The following EYA3 variants were observed in gnomAD, a reference collection of about 807,000 sequenced individuals.
EYA3 encodes the protein protein phosphatase EYA3.
Under a neutral mutation model 80.0 loss-of-function variants are expected in EYA3, and 39 were observed. That is an observed-to-expected ratio of 0.49 (90% CI 0.38 to 0.64). EYA3 has a LOEUF of 0.64. Ranked by LOEUF, EYA3 falls within the 30% of genes least tolerant of loss-of-function variation. The pLI is 0.00. For missense variants in EYA3, 523 were observed against 676.1 expected (o/e 0.77, Z 2.51); for synonymous variants, 206 against 232.8 (o/e 0.88, Z 1.05).
rs1228281659 is a variant in EYA3, at chr1:28,013,163, C to T, written c.717G>A (p.Ser239=). ...STTLAATTYQ[S]EKPSVMAPAP... Reference sequence around the variant, plus strand: ...CAGGCGCCATGACACTAGGCTTCTCCGACTGGTATGTGGTTGCTGCTAATG... The same window carrying T: ...CAGGCGCCATGACACTAGGCTTCTCTGACTGGTATGTGGTTGCTGCTAATG... The change falls in exon 9 of 18, where the codon TCG becomes TCA. Residue 239 remains serine (S), a synonymous_variant. Transcript: ENST00000373871. The surrounding 1 kb of genome is among the most constrained non-coding windows in gnomAD (Gnocchi z 4.0). The T allele has an allele frequency of 6.8e-6, 11 of 1,614,006 alleles. No individual in the cohort carries two copies. The highest frequency in any genetic ancestry group is 1.1e-5 in the South Asian group (1 of 91,068).
intron 13 of EYA3, among the ~76,000 whole-genome samples, chr1:27,994,662 G>T (rs1358343569): frequency 6.6e-6 from 1 of 152,164 alleles, no homozygotes; most frequent in African/African-American, 2.4e-5. Flanking sequence ...ACTTCAGCTT[G>T]CGGGGGGAAA....
At chr1:28,051,461 G>T (rs1644246877) in intron 2 of EYA3, among the ~76,000 whole-genome samples, 1 of 152,194 alleles carries the variant, frequency 6.6e-6, no homozygotes. Context: ...GCCAAGGCAG[G>T]TGGATCACCT....
At chr1:28,043,865 A>G (rs1362472769) in intron 3 of EYA3, among the ~76,000 whole-genome samples, 2 of 152,136 alleles carry the variant, frequency 1.3e-5, no homozygotes, top group Non-Finnish European at 1.5e-5. Context: ...ACAAACAAAC[A>G]AACAAAAATT....
intron 3 of EYA3, among the ~76,000 whole-genome samples, chr1:28,044,227 A>C (rs1643919144): frequency 6.6e-6 from 1 of 152,182 alleles, no homozygotes; most frequent in South Asian, 2.1e-4. Context: ...CACAGTGGTT[A>C]GGAGTGTTGA....
chr1:28,046,719 GGA>G (rs1175443229), intron 3 of EYA3, among the ~76,000 whole-genome samples: 1 of 152,154 alleles, frequency 6.6e-6, no homozygotes, highest in Non-Finnish European at 1.5e-5. Flanking sequence ...CAGAATAGGT[GGA>G]TAGTTGGGTT....
At position 28,009,180 on chromosome 1, in the gene EYA3, A is replaced by T. The variant is rs917496958; in HGVS notation, c.909+1767T>A. On this transcript the variant is annotated intron_variant, in intron 10 of 17. Coordinates refer to ENST00000373871, the MANE Select transcript of EYA3 (RefSeq NM_001990.4). The surrounding 1 kb of genome is among the most constrained non-coding windows in gnomAD (Gnocchi z 4.8). Reference sequence around the variant, plus strand: ...GAATTGATAAGATGAACTCAGATAGATAATTGTACACCAATGGTCAAAGCA... The same window carrying T: ...GAATTGATAAGATGAACTCAGATAGTTAATTGTACACCAATGGTCAAAGCA... Among the ~76,000 whole-genome samples, 1 of 152,210 alleles carries T rather than the reference A, an allele frequency of 6.6e-6. No individual in the cohort carries two copies. The highest frequency in any genetic ancestry group is 2.4e-5 in the African/African-American group (1 of 41,444).
At chr1:28,085,710 TA>T (rs1645626949) in intron 1 of EYA3, among the ~76,000 whole-genome samples, 2 of 152,180 alleles carry the variant, frequency 1.3e-5, no homozygotes, top group South Asian at 4.1e-4. Flanking sequence ...AAATCAACGG[TA>T]ATTTTTTTTC....
At chr1:27,994,684 T>G (rs1035894910) in intron 13 of EYA3, among the ~76,000 whole-genome samples, 2 of 152,104 alleles carry the variant, frequency 1.3e-5, no homozygotes, top group Non-Finnish European at 2.9e-5. Flanking sequence ...GAACTACCCC[T>G]GGCCAGGTGC....
At chr1:28,055,083 T>C (rs1218727363) in intron 2 of EYA3, among the ~76,000 whole-genome samples, 1 of 152,212 alleles carries the variant, frequency 6.6e-6, no homozygotes, top group East Asian at 1.9e-4. Context: ...AACATCTTTA[T>C]TGATAGCTTA....
intron 1 of EYA3, among the ~76,000 whole-genome samples, chr1:28,087,594 C>T (rs1299105208): frequency 1.3e-5 from 2 of 152,188 alleles, no homozygotes; most frequent in Non-Finnish European, 2.9e-5. Context: ...ATGATCTCTC[C>T]ACAAATTCTG....
rs768518745 is a variant in EYA3 at position 28,075,037 on chromosome 1, T to C, written c.-69+13487A>G. Reference sequence around the variant, plus strand: ...AAACCAGTATAAGACTCAGTGTGTATTGACAGCCTAACTACATGTGTTAGG... The same window carrying C: ...AAACCAGTATAAGACTCAGTGTGTACTGACAGCCTAACTACATGTGTTAGG... On this transcript the variant is annotated intron_variant, in intron 1 of 17. Transcript: ENST00000373871. Among the ~76,000 whole-genome samples the C allele has an allele frequency of 5.3e-5, 8 of 152,314 alleles. No homozygotes were observed. In the East Asian group the frequency reaches 1.3e-3, roughly 26 times the overall value.
chr1:28,006,270 G>A (rs993738921), intron 10 of EYA3, among the ~76,000 whole-genome samples: 2 of 151,606 alleles, frequency 1.3e-5, no homozygotes, highest in South Asian at 4.2e-4. Context: ...GAACAGAGGG[G>A]GAAAAAGCTA....
intron 7 of EYA3, among the ~76,000 whole-genome samples, chr1:28,022,634 A>C (rs1642517921): frequency 6.6e-6 from 1 of 152,052 alleles, no homozygotes. Flanking sequence ...TAGTATACCT[A>C]CATATATTTG....
chr1:28,057,925 A>C, intron 2 of EYA3, 69 bp downstream of exon 2: 1 of 897,568 alleles, frequency 1.1e-6, no homozygotes. Flanking sequence ...CTATAACTGA[A>C]TAATAATTAA....
Position 28,013,684 on chromosome 1 carries a change from T to C in EYA3, c.586-390A>G, listed in dbSNP as rs926590549. On this transcript the variant is annotated intron_variant, in intron 8 of 17. Coordinates refer to ENST00000373871, the MANE Select transcript of EYA3 (RefSeq NM_001990.4). This position sits in a 1 kb window ranked among gnomAD's most constrained non-coding sequence, Gnocchi z 4.0. Reference sequence around the variant, plus strand: ...GTTTACAAACTGTTGCACTAGATAATAGCACTTCTAAGGACAACAAAACAA... The same window carrying C: ...GTTTACAAACTGTTGCACTAGATAACAGCACTTCTAAGGACAACAAAACAA... 1.3e-5 allele frequency among the ~76,000 whole-genome samples: 2 copies of C among 152,168 alleles called. No individual in the cohort carries two copies. The highest frequency in any genetic ancestry group is 6.5e-5 in the Admixed American group (1 of 15,272).
At position 27,970,979 on chromosome 1, in the gene EYA3, T is replaced by C. The variant is rs1638704058; in HGVS notation, c.*3487A>G. ...TGCAGCTAGAGTTTGCAAGTCAGAT[T>C]CTATTTGGAATTTTAAAGCTGAGTT... On this transcript the variant is annotated 3_prime_UTR_variant, in exon 18 of 18. Coordinates refer to ENST00000373871, the MANE Select transcript of EYA3 (RefSeq NM_001990.4). 6.6e-6 allele frequency: 1 copy of C among 152,176 alleles called. No individual in the cohort carries two copies. Among genetic ancestry groups the C allele is most frequent in the African/African-American group, 2.4e-5 (1 of 41,434 alleles). The allele number at this position is 152,176 out of a possible 1,614,324, so 9.4% of individuals were successfully genotyped here.
chr1:28,011,064 A>C lies in EYA3; in HGVS notation c.792T>G (p.Ser264=), dbSNP rs1557563925. 6.2e-7 allele frequency: 1 copy of C among 1,613,388 alleles called. No individual in the cohort carries two copies. ...CTTTACTTGGTGTAGTCTGGGACAA[A>C]GATGGACTTGTAGAAGGGTCTCCTG... is the stretch of plus-strand genomic sequence containing the variant. ...LSSGDPSTSP[S]LSQTTPSKDT... is the part of the protein sequence containing the mutation. Residue 264 remains serine (S), a synonymous_variant, in exon 10 of 18, where the codon TCT becomes TCG. Transcript: ENST00000373871.
rs1325831448 is a variant in EYA3 at position 28,048,574 on chromosome 1, G to A, written c.34-148C>T. On this transcript the variant is annotated intron_variant, in intron 2 of 17. Coordinates refer to ENST00000373871, the MANE Select transcript of EYA3 (RefSeq NM_001990.4). ...TAATTAACCCTTGTTATATTTTAGA[G>A]CTAGAAATGAAGTTTGTTTTTTAAA... 6.0e-6 allele frequency: 3 copies of A among 501,836 alleles called. No homozygotes were observed. The Admixed American group carries it at 1.1e-4, about 19-fold the overall frequency. The allele number at this position is 501,836 out of a possible 1,614,324, so 31.1% of individuals were successfully genotyped here.
chr1:28,024,549 C>G (rs989408788), intron 7 of EYA3, among the ~76,000 whole-genome samples: 1 of 151,844 alleles, frequency 6.6e-6, no homozygotes, highest in African/African-American at 2.4e-5. Flanking sequence ...CCCAGCTACA[C>G]GGGAGGCTGA....
Sources: gnomAD v4.1 joint callset for allele counts (sites outside exome capture counted in the v4.1 genomes callset) on GRCh38, gnomAD v4.1.1 for gene constraint, Gnocchi (gnomAD v3.1) non-coding constraint, MANE v1.5 for transcripts, NCBI Gene and HGNC (gene_info 2026-07-23, HGNC 2026-07-21) for gene names.